The following PPP4R1 variants were observed in gnomAD, a reference collection of about 807,000 sequenced individuals.
The protein encoded by PPP4R1 is serine/threonine-protein phosphatase 4 regulatory subunit 1.
A neutral mutation model predicts 111.2 loss-of-function variants in PPP4R1; 42 were observed. The observed-to-expected ratio is 0.38, with a 90% CI of 0.29 to 0.49. The LOEUF is 0.49. PPP4R1 is among the 20% of genes least tolerant of loss of function. The probability of loss-of-function intolerance (pLI) is 0.97; values close to 1 mark genes in which losing one functional copy is unlikely to be tolerated. For missense variants in PPP4R1, 1,012 were observed against 1,161.6 expected, an observed-to-expected ratio of 0.87 and a Z score of 1.87; for synonymous variants, 409 against 405.5, an observed-to-expected ratio of 1.01 and a Z score of -0.10.
rs201544380 is a variant in PPP4R1, at chr18:9,593,850, G to A, written c.213C>T (p.Leu71=). ...CATCGCAGACTTCCCTCAAGGTATC[G>A]AGCAAACTCCGGGCCACCATTTGTC... The part of the protein sequence containing the change: ...FNRQMVARSL[L]DTLREVCDDE... The change falls in exon 4 of 20, where the codon CTC becomes CTT. Residue 71 remains leucine (L), a synonymous_variant. Transcript: ENST00000400556. 83 of 1,613,308 alleles carry A rather than the reference G, an allele frequency of 5.1e-5. No individual in the cohort carries two copies. The highest frequency in any genetic ancestry group is 6.5e-5 in the Non-Finnish European group (77 of 1,179,826).
At chr18:9,595,310 T>A (rs73939899) in intron 2 of PPP4R1, among the ~76,000 whole-genome samples, 157 bp from the exon 3 acceptor site, 2,306 of 152,216 alleles carry the variant, frequency 0.015, 47 homozygotes, top group African/African-American at 0.052. Context: ...AACTAAAAGA[T>A]ACCTCCTCTC....
rs1378548139 is a variant in PPP4R1 at position 9,570,664 on chromosome 18, G to A, written c.1066C>T (p.Pro356Ser). 1.3e-6 allele frequency: 2 copies of A among 1,561,416 alleles called. No individual in the cohort carries two copies. The highest frequency in any genetic ancestry group is 1.7e-6 in the Non-Finnish European group (2 of 1,155,072). ...TCTGGCCTGACTTGTACATCCTCTG[G>A]GGCTTCTTGATCTCTGGTCCTTTTA... The part of the protein sequence containing the change: ...NKNRTRDQEA[P>S]EDVQVRPEDT... Residue 356 changes from proline to serine, a missense_variant, in exon 11 of 20, where the codon CCA (proline) becomes TCA (serine). Around this residue, in one of 2 missense-constraint regions of PPP4R1, gnomAD observed 707 missense variants for 742.1 expected, o/e 0.95. Coordinates refer to ENST00000400556, the MANE Select transcript of PPP4R1 (RefSeq NM_001042388.3).
intron 14 of PPP4R1, among the ~76,000 whole-genome samples, chr18:9,558,038 C>A (rs1344945083): frequency 6.6e-6 from 1 of 152,100 alleles, no homozygotes; most frequent in African/African-American, 2.4e-5. Context: ...GGAAAAGAAA[C>A]CCTCAACAGA....
chr18:9,556,004 A>AC (rs1275776904), intron 15 of PPP4R1, among the ~76,000 whole-genome samples: 14 of 43,950 alleles, frequency 3.2e-4, no homozygotes, highest in African/African-American at 6.5e-4. Context: ...AAACAAAAAA[A>AC]CACAAAATCG....
In PPP4R1 at chr18:9,570,417, A is replaced by T. The variant is rs202146519; in HGVS notation, c.1313T>A (p.Val438Asp). Residue 438 changes from valine (V) to aspartate (D), a missense_variant, in exon 11 of 20, where the codon GTT becomes GAT. Around this residue, in one of 2 missense-constraint regions of PPP4R1, gnomAD observed 707 missense variants for 742.1 expected, o/e 0.95. Coordinates refer to ENST00000400556, the MANE Select transcript of PPP4R1 (RefSeq NM_001042388.3). Reference sequence around the variant, plus strand: ...AGCTGAATCTTGTGAAGTGGTGCCAACCTCTGGTCGTAACATAGATTTGTA... The same window carrying T: ...AGCTGAATCTTGTGAAGTGGTGCCATCCTCTGGTCGTAACATAGATTTGTA... ...GNYKSMLRPE[V>D]GTTSQDSALL... 1 of 1,614,160 alleles carries T rather than the reference A, an allele frequency of 6.2e-7. No individual in the cohort carries two copies. Among genetic ancestry groups the T allele is most frequent in the East Asian group, 2.2e-5 (1 of 44,884 alleles).
At chr18:9,591,020 C>T (rs2067202240) in intron 4 of PPP4R1, among the ~76,000 whole-genome samples, 1 of 152,044 alleles carries the variant, frequency 6.6e-6, no homozygotes, top group Middle Eastern at 3.4e-3. Flanking sequence ...AAATGACTAC[C>T]AATTTTTTAA....
chr18:9,595,987 A>C (rs1421668187), intron 2 of PPP4R1, among the ~76,000 whole-genome samples: 4 of 152,222 alleles, frequency 2.6e-5, no homozygotes, highest in Non-Finnish European at 4.4e-5. Context: ...ATTGCATGAA[A>C]GCCGAGAAGC....
intron 9 of PPP4R1, among the ~76,000 whole-genome samples, chr18:9,579,652 A>G (rs1287390641): frequency 6.6e-6 from 1 of 152,166 alleles, no homozygotes; most frequent in Non-Finnish European, 1.5e-5. Context: ...CATTGAAAAC[A>G]TTGTTAGACC....
chr18:9,614,783 G>C (rs2067664219), upstream of PPP4R1: 1 of 148,164 alleles, frequency 6.7e-6, no homozygotes, highest in African/African-American at 2.4e-5. The surrounding 1 kb of genome is among the most constrained non-coding windows in gnomAD (Gnocchi z 4.1). Context: ...CCGGCCCGGC[G>C]ACGCGCGCTC....
chr18:9,578,760 T>C (rs1255945886), intron 9 of PPP4R1, among the ~76,000 whole-genome samples: 1 of 152,148 alleles, frequency 6.6e-6, no homozygotes, highest in Non-Finnish European at 1.5e-5. Context: ...GAATAGCTTG[T>C]ATGTGTGTAA....
intron 15 of PPP4R1, 22 bp from the exon 16 acceptor site, chr18:9,553,444 A>G: frequency 1.4e-6 from 2 of 1,463,146 alleles, no homozygotes; most frequent in African/African-American, 1.4e-5. Context: ...AAATAAAAAT[A>G]TTTACCAGGA....
At chr18:9,616,516 C>T (rs1229398578), upstream of PPP4R1, among the ~76,000 whole-genome samples, 2 of 152,154 alleles carry the variant, frequency 1.3e-5, no homozygotes, top group African/African-American at 4.8e-5. Context: ...TCAAGCAATC[C>T]TCTGGCCTTG....
At chr18:9,577,447 T>G (rs1187732995) in intron 9 of PPP4R1, among the ~76,000 whole-genome samples, 1 of 152,184 alleles carries the variant, frequency 6.6e-6, no homozygotes, top group African/African-American at 2.4e-5. Flanking sequence ...GGCAGATCGC[T>G]TGAGTCCAGC....
chr18:9,563,224 G>C, intron 12 of PPP4R1, 154 bp downstream of exon 12: 1 of 1,219,440 alleles, frequency 8.2e-7, no homozygotes. Context: ...GACAGGATGT[G>C]ATGAAAACAA....
chr18:9,585,867 A>G (rs78525021), intron 6 of PPP4R1, among the ~76,000 whole-genome samples: 69 of 152,278 alleles, frequency 4.5e-4, no homozygotes, highest in African/African-American at 1.6e-3. Context: ...AAAGATATAA[A>G]TCAAAGACCT....
chr18:9,548,176 A>G (rs2066428951), intron 19 of PPP4R1, among the ~76,000 whole-genome samples: 1 of 152,142 alleles, frequency 6.6e-6, no homozygotes, highest in South Asian at 2.1e-4. Context: ...AAATCTCATG[A>G]TATTCAATGA....
chr18:9,588,849 T>G lies in PPP4R1; in HGVS notation c.300A>C (p.Pro100=). The change falls in exon 5 of 20, where the codon CCA becomes CCC. Residue 100 remains proline, a synonymous_variant. Transcript: ENST00000400556. ...RISRLADDSE[P]TVRAELMEQV... is the part of the protein sequence containing the mutation. ...GTTCCATCAGCTCCGCTCTCACAGT[T>G]GGTTCTATTGAAATAACGGCAATGT... 1 of 1,612,080 alleles carries G rather than the reference T, an allele frequency of 6.2e-7. No individual in the cohort carries two copies. Among genetic ancestry groups the G allele is most frequent in the South Asian group, 1.1e-5 (1 of 90,688 alleles).
chr18:9,576,242 G>C (rs958987741), intron 10 of PPP4R1, among the ~76,000 whole-genome samples: 4 of 152,134 alleles, frequency 2.6e-5, no homozygotes, highest in African/African-American at 7.2e-5. Context: ...ATCATGACAA[G>C]GGAGGGAAAA....
At chr18:9,603,443 G>C (rs997964679) in intron 2 of PPP4R1, among the ~76,000 whole-genome samples, 2 of 152,066 alleles carry the variant, frequency 1.3e-5, no homozygotes, top group Non-Finnish European at 2.9e-5. Context: ...GATCAACCAA[G>C]TATTAATAAT....
Sources: allele counts gnomAD v4.1 joint callset (sites outside exome capture counted in the v4.1 genomes callset), GRCh38; gene constraint gnomAD v4.1.1; regional missense constraint gnomAD v4.1.1; non-coding constraint Gnocchi (gnomAD v3.1); transcripts MANE v1.5; gene names NCBI Gene and HGNC (gene_info 2026-07-23, HGNC 2026-07-21).